Variants in MACROD2 observed in about 807,000 individuals in gnomAD.
MACROD2 encodes the protein mono-ADP ribosylhydrolase 2.
Under a neutral mutation model 70.4 loss-of-function variants are expected in MACROD2, and 36 were observed. That is an observed-to-expected ratio of 0.51 (90% CI 0.39 to 0.68). MACROD2 has a LOEUF of 0.68. Among genes scored for constraint, MACROD2 ranks in the 30% least tolerant of loss-of-function variants. The pLI is 0.00. For missense variants in MACROD2, 496 were observed against 538.4 expected (o/e 0.92, Z 0.78); for synonymous variants, 172 against 178.8 (o/e 0.96, Z 0.30).
intron 5 of MACROD2, among the ~76,000 whole-genome samples, chr20:15,191,931 T>TATAG (rs150210305): frequency 0.051 from 7,237 of 142,348 alleles, 290 homozygotes; most frequent in Non-Finnish European, 0.077. Flanking sequence ...TATATATATA[T>TATAG]AGAGAGAGAG....
chr20:14,758,361 T>G (rs1210420048), intron 5 of MACROD2, among the ~76,000 whole-genome samples: 1 of 152,118 alleles, frequency 6.6e-6, no homozygotes, highest in Non-Finnish European at 1.5e-5. Flanking sequence ...TCAGATACAA[T>G]GGCAATTCCA....
chr20:15,099,191 G>C (rs1323625813), intron 5 of MACROD2, among the ~76,000 whole-genome samples: 1 of 152,092 alleles, frequency 6.6e-6, no homozygotes, highest in Non-Finnish European at 1.5e-5. Flanking sequence ...GTTAACAAAG[G>C]TATATACTGC....
At chr20:14,964,389 G>C (rs987612889) in intron 5 of MACROD2, among the ~76,000 whole-genome samples, 1 of 151,886 alleles carries the variant, frequency 6.6e-6, no homozygotes, top group Non-Finnish European at 1.5e-5. Context: ...TGGCTAACAC[G>C]GTGAAACCCC....
At chr20:14,834,418 T>C (rs2073006058) in intron 5 of MACROD2, among the ~76,000 whole-genome samples, 1 of 151,966 alleles carries the variant, frequency 6.6e-6, no homozygotes, top group African/African-American at 2.4e-5. Flanking sequence ...TCATGTAAAA[T>C]ATATTTGATG....
In MACROD2 at chr20:15,267,666, C is replaced by G. The variant is rs570853150; in HGVS notation, c.540+37605C>G. ...CCCCTCAACAGATTTCTAGGCTTTT[C>G]TTGCTCAGATTTGAAAACTAGGTAG... On this transcript the variant is annotated intron_variant, in intron 6 of 17. Coordinates refer to ENST00000684519, the MANE Select transcript of MACROD2 (RefSeq NM_001351661.2). Among the ~76,000 whole-genome samples, 5 of 152,272 alleles carry G rather than the reference C, an allele frequency of 3.3e-5. No homozygotes were observed. In the South Asian group the frequency reaches 1.0e-3, roughly 32 times the overall value.
intron 8 of MACROD2, among the ~76,000 whole-genome samples, chr20:15,672,517 T>C (rs1255457185): frequency 1.8e-4 from 28 of 152,088 alleles, no homozygotes; most frequent in Admixed American, 1.8e-3. Context: ...TGACTTTCTT[T>C]TGGGGAACAT....
chr20:15,983,910 A>C (rs1382144274), intron 13 of MACROD2, among the ~76,000 whole-genome samples: 1 of 152,182 alleles, frequency 6.6e-6, no homozygotes, highest in Non-Finnish European at 1.5e-5. Flanking sequence ...GTTTCCTTTA[A>C]CACCTATTTT....
chr20:15,958,886 C>T (rs2066017660), intron 12 of MACROD2, among the ~76,000 whole-genome samples: 1 of 152,164 alleles, frequency 6.6e-6, no homozygotes, highest in Non-Finnish European at 1.5e-5. Context: ...CATCTGCAAG[C>T]TGGCAAGAGA....
intron 6 of MACROD2, among the ~76,000 whole-genome samples, chr20:15,277,679 G>T (rs950480161): frequency 6.6e-6 from 1 of 152,192 alleles, no homozygotes; most frequent in Admixed American, 6.5e-5. Flanking sequence ...TAGACAATCA[G>T]ATGAGAAGCA....
chr20:15,465,033 G>A (rs1300880440), intron 7 of MACROD2, among the ~76,000 whole-genome samples: 2 of 151,986 alleles, frequency 1.3e-5, no homozygotes, highest in African/African-American at 4.8e-5. Flanking sequence ...AAGCTAGCTT[G>A]TACCTTTTTC....
chr20:14,499,850 T>C (rs1182724688), intron 4 of MACROD2, among the ~76,000 whole-genome samples: 2 of 152,178 alleles, frequency 1.3e-5, no homozygotes, highest in Non-Finnish European at 2.9e-5. Flanking sequence ...ACAGCAACTA[T>C]TGATTACTTC....
rs1031709569 is a variant in MACROD2 at position 14,437,550 on chromosome 20, T to C, written c.272-55929T>C. Reference sequence around the variant, plus strand: ...AAGAGGTTGCAGTGAGTCAAGATCATGCCATTGTACTCCAGCCTGGGTGAC... The same window carrying C: ...AAGAGGTTGCAGTGAGTCAAGATCACGCCATTGTACTCCAGCCTGGGTGAC... On this transcript the variant is annotated intron_variant, in intron 3 of 17. Transcript: ENST00000684519. Among the ~76,000 whole-genome samples, 9 of 152,278 alleles carry C rather than the reference T, an allele frequency of 5.9e-5. No individual in the cohort carries two copies. The South Asian group carries it at 1.2e-3, about 21-fold the overall frequency.
chr20:15,712,391 G>A (rs2050641533), intron 8 of MACROD2, among the ~76,000 whole-genome samples: 1 of 152,184 alleles, frequency 6.6e-6, no homozygotes, highest in Non-Finnish European at 1.5e-5. Context: ...GGCCCAGCTG[G>A]TTTCCATCTG....
At chr20:15,477,830 G>T (rs2047043199) in intron 7 of MACROD2, among the ~76,000 whole-genome samples, 5 of 152,170 alleles carry the variant, frequency 3.3e-5, no homozygotes, top group Admixed American at 3.3e-4. Flanking sequence ...TGATCGCAAT[G>T]GTCCTTATAT....
intron 4 of MACROD2, among the ~76,000 whole-genome samples, chr20:14,657,620 G>T (rs761402549): frequency 2.0e-5 from 3 of 152,222 alleles, no homozygotes; most frequent in Non-Finnish European, 4.4e-5. Context: ...AAGGGTAATA[G>T]TATACGTCTT....
chr20:14,665,997 C>A (rs188177753), intron 4 of MACROD2, among the ~76,000 whole-genome samples: 2 of 152,156 alleles, frequency 1.3e-5, no homozygotes, highest in East Asian at 3.9e-4. Context: ...TAATAGGAGG[C>A]CTGCCCTTTT....
chr20:14,172,385 A>G (rs1173974208), intron 3 of MACROD2, among the ~76,000 whole-genome samples: 1 of 147,620 alleles, frequency 6.8e-6, no homozygotes, highest in African/African-American at 2.5e-5. Flanking sequence ...GCTCACTGCA[A>G]CTTCCACCTC....
At chr20:14,265,342 A>G (rs1266707449) in intron 3 of MACROD2, among the ~76,000 whole-genome samples, 1 of 152,130 alleles carries the variant, frequency 6.6e-6, no homozygotes, top group African/African-American at 2.4e-5. Flanking sequence ...TATTCAGTAA[A>G]ATGTTTCTGA....
intron 8 of MACROD2, among the ~76,000 whole-genome samples, chr20:15,704,089 T>C (rs901460825): frequency 6.6e-6 from 1 of 152,218 alleles, no homozygotes; most frequent in Non-Finnish European, 1.5e-5. Context: ...CCTCCTACTC[T>C]AGTCAGGGCT....
Sources: gnomAD v4.1 joint callset for allele counts (sites outside exome capture counted in the v4.1 genomes callset) on GRCh38, gnomAD v4.1.1 for gene constraint, MANE v1.5 for transcripts, NCBI Gene and HGNC (gene_info 2026-07-23, HGNC 2026-07-21) for gene names.